SPAG16: variants seen among roughly 807,000 people sequenced by gnomAD.
SPAG16 encodes sperm associated antigen 16.
A neutral mutation model predicts 80.4 loss-of-function variants in SPAG16; 86 were observed. That is an observed-to-expected ratio of 1.07 (90% confidence interval 0.90 to 1.28). SPAG16 has a LOEUF of 1.28. Ranked by LOEUF, SPAG16 falls within the 50% of genes most tolerant of loss-of-function variation. The pLI, the probability that SPAG16 is intolerant of heterozygous loss-of-function variation, is 0.00. For synonymous variants in SPAG16, 294 were observed against 265.9 expected (o/e 1.11, Z -1.03); for missense variants, 870 against 765.3 (o/e 1.14, Z -1.61).
intron 15 of SPAG16, among the ~76,000 whole-genome samples, chr2:214,352,646 C>T (rs1370799366): frequency 6.7e-6 from 1 of 149,336 alleles, no homozygotes; most frequent in Non-Finnish European, 1.5e-5. Context: ...AGCATTGAAG[C>T]ATCTGCCTAA....
chr2:213,490,190 A>G, intron 10 of SPAG16, 100 bp downstream of exon 10: 1 of 1,192,910 alleles, frequency 8.4e-7, no homozygotes, highest in Non-Finnish European at 1.1e-6. Flanking sequence ...GTTTGCTTTT[A>G]GCCTTTCAAA....
chr2:213,961,069 G>C (rs779490531), intron 12 of SPAG16, among the ~76,000 whole-genome samples: 2 of 152,122 alleles, frequency 1.3e-5, no homozygotes, highest in African/African-American at 4.8e-5. Context: ...GTTAAGAGCC[G>C]AAATTGACCA....
intron 15 of SPAG16, among the ~76,000 whole-genome samples, chr2:214,155,032 G>A (rs1576367416): frequency 6.6e-6 from 1 of 152,156 alleles, no homozygotes; most frequent in East Asian, 1.9e-4. Context: ...TCAACTCAGG[G>A]ATGAAGGGAC....
intron 10 of SPAG16, among the ~76,000 whole-genome samples, chr2:213,665,382 A>T (rs1188174611): frequency 6.7e-6 from 1 of 148,946 alleles, no homozygotes; most frequent in African/African-American, 2.6e-5. Context: ...ACACACACAC[A>T]CATACACACA....
intron 9 of SPAG16, among the ~76,000 whole-genome samples, chr2:213,447,839 C>T (rs949114946): frequency 2.0e-5 from 3 of 152,178 alleles, no homozygotes; most frequent in Admixed American, 6.6e-5. Flanking sequence ...AATGTTGGTT[C>T]GAGCTCAAGA....
At chr2:213,464,842 G>C (rs1048473130) in intron 9 of SPAG16, among the ~76,000 whole-genome samples, 1 of 152,182 alleles carries the variant, frequency 6.6e-6, no homozygotes, top group Non-Finnish European at 1.5e-5. Context: ...TCCATTGGCT[G>C]GAATTTGGTA....
chr2:213,350,459 G>T, intron 6 of SPAG16, 69 bp from the exon 7 acceptor site: 1 of 772,930 alleles, frequency 1.3e-6, no homozygotes, highest in Non-Finnish European at 2.0e-6. Flanking sequence ...AAAAGGTTTT[G>T]ATGTTAGATG....
At chr2:214,050,465 C>T (rs1575979994) in intron 13 of SPAG16, among the ~76,000 whole-genome samples, 1 of 152,038 alleles carries the variant, frequency 6.6e-6, no homozygotes, top group African/African-American at 2.4e-5. Context: ...TGAGGCAGAA[C>T]ACAGCAGAAG....
intron 15 of SPAG16, among the ~76,000 whole-genome samples, chr2:214,383,404 C>T (rs573150859): frequency 1.7e-4 from 26 of 151,938 alleles, no homozygotes; most frequent in Non-Finnish European, 2.9e-4. Context: ...GAAACCCCAT[C>T]TCTACTAAAA....
chr2:214,012,931 T>G (rs1005065546), intron 12 of SPAG16, among the ~76,000 whole-genome samples: 24 of 152,176 alleles, frequency 1.6e-4, no homozygotes, highest in African/African-American at 5.8e-4. Flanking sequence ...TGCTGGGGCC[T>G]CCTCCAGAGT....
intron 9 of SPAG16, among the ~76,000 whole-genome samples, chr2:213,426,631 T>G (rs765894768): frequency 1.3e-4 from 20 of 152,004 alleles, no homozygotes; most frequent in Non-Finnish European, 2.9e-4. Context: ...TTAATTCTTA[T>G]TTTTGCTTCT....
At chr2:214,008,921 T>G (rs1375423009) in intron 12 of SPAG16, among the ~76,000 whole-genome samples, 5 of 152,190 alleles carry the variant, frequency 3.3e-5, no homozygotes, top group Non-Finnish European at 5.9e-5. Context: ...ACTCTACTTT[T>G]GTTTTGAATT....
intron 11 of SPAG16, among the ~76,000 whole-genome samples, chr2:213,868,976 G>T (rs1462444470): frequency 6.6e-6 from 1 of 151,892 alleles, no homozygotes; most frequent in African/African-American, 2.4e-5. Flanking sequence ...ATGGGACTGG[G>T]CATGGTGGCT....
intron 10 of SPAG16, among the ~76,000 whole-genome samples, chr2:213,557,381 C>A (rs961879938): frequency 6.6e-6 from 1 of 151,820 alleles, no homozygotes; most frequent in African/African-American, 2.4e-5. Context: ...AAATTGTAAA[C>A]CTTTCAAATA....
rs146596338 is a variant in SPAG16 at position 213,770,480 on chromosome 2, A to C, written c.1071-92005A>C. The stretch of plus-strand genomic sequence containing the variant: ...TAAATTTAATTTAATTTTAAGTTCC[A>C]GGGTACATATGCAGGACATGCAGGT... On this transcript the variant is annotated intron_variant, in intron 10 of 15. Coordinates refer to ENST00000331683, the MANE Select transcript of SPAG16 (RefSeq NM_024532.5). 5.9e-3 allele frequency among the ~76,000 whole-genome samples: 894 copies of C among 152,252 alleles called. 10 individuals are homozygous for C. Among genetic ancestry groups the C allele is most frequent in the African/African-American group, 0.02 (843 of 41,548 alleles).
chr2:213,935,976 G>C (rs1485910324), intron 12 of SPAG16, among the ~76,000 whole-genome samples: 1 of 152,104 alleles, frequency 6.6e-6, no homozygotes, highest in Non-Finnish European at 1.5e-5. Context: ...ATAATATTTA[G>C]AGATGACAAA....
At chr2:213,327,923 A>G (rs947005154) in intron 5 of SPAG16, among the ~76,000 whole-genome samples, 1 of 152,142 alleles carries the variant, frequency 6.6e-6, no homozygotes, top group Non-Finnish European at 1.5e-5. Flanking sequence ...AGTATTTGCT[A>G]TGTGCAAGAC....
chr2:213,913,190 CCA>C (rs1484077330), intron 11 of SPAG16, among the ~76,000 whole-genome samples: 4 of 151,984 alleles, frequency 2.6e-5, no homozygotes, highest in African/African-American at 9.7e-5. Context: ...TACATTTTAT[CCA>C]CATTGTTATG....
intron 3 of SPAG16, 102 bp from the exon 4 acceptor site, chr2:213,309,957 G>GA (rs540437058): frequency 8.7e-4 from 609 of 702,542 alleles, no homozygotes; most frequent in South Asian, 5.0e-3. Context: ...AAACATTGTT[G>GA]AAAAAAAATG....
Sources: allele counts gnomAD v4.1 joint callset (sites outside exome capture counted in the v4.1 genomes callset), GRCh38; gene constraint gnomAD v4.1.1; transcripts MANE v1.5; gene names NCBI Gene and HGNC (gene_info 2026-07-23, HGNC 2026-07-21).